Variants in PCSK2 observed in about 807,000 individuals in gnomAD.
PCSK2 encodes neuroendocrine convertase 2.
Under a neutral mutation model 69.7 loss-of-function variants are expected in PCSK2, and 14 were observed. The observed-to-expected ratio is 0.20, with a 90% confidence interval of 0.13 to 0.31. The LOEUF (loss-of-function observed/expected upper bound fraction) is 0.31. Among genes scored for constraint, PCSK2 ranks in the 10% least tolerant of loss-of-function variants. The probability of loss-of-function intolerance (pLI) is 1.00; values close to 1 mark genes in which losing one functional copy is unlikely to be tolerated. For missense variants in PCSK2, 544 were observed against 842.5 expected (o/e 0.65, Z 4.39); for synonymous variants, 307 against 320.7 (o/e 0.96, Z 0.46).
chr20:17,446,162 G>A (rs2032696168), intron 8 of PCSK2, among the ~76,000 whole-genome samples: 1 of 152,160 alleles, frequency 6.6e-6, no homozygotes, highest in Non-Finnish European at 1.5e-5. Context: ...TACAATGGCT[G>A]GATCCTTTGA....
intron 6 of PCSK2, among the ~76,000 whole-genome samples, chr20:17,426,702 C>T (rs549501755): frequency 2.2e-4 from 33 of 152,342 alleles, no homozygotes; most frequent in African/African-American, 6.7e-4. Context: ...GAAGATCCAA[C>T]GTTACAGGTG....
At chr20:17,290,074 A>T (rs1988647212) in intron 2 of PCSK2, among the ~76,000 whole-genome samples, 1 of 152,238 alleles carries the variant, frequency 6.6e-6, no homozygotes, top group Non-Finnish European at 1.5e-5. Flanking sequence ...GGCAGGTCAG[A>T]GATGGCATCT....
intron 2 of PCSK2, among the ~76,000 whole-genome samples, chr20:17,323,778 G>A (rs1311448899): frequency 6.6e-6 from 1 of 152,180 alleles, no homozygotes; most frequent in African/African-American, 2.4e-5. Context: ...TTGTTTATAA[G>A]ATATAAAAGC....
At chr20:17,250,055 C>CCCTT (rs1309490313) in intron 1 of PCSK2, among the ~76,000 whole-genome samples, 5 of 152,070 alleles carry the variant, frequency 3.3e-5, no homozygotes, top group Non-Finnish European at 5.9e-5. Context: ...TTTCCATATA[C>CCCTT]CCTTCTTTAT....
intron 1 of PCSK2, among the ~76,000 whole-genome samples, chr20:17,229,645 T>C (rs1311723202): frequency 6.6e-6 from 1 of 151,986 alleles, no homozygotes; most frequent in Non-Finnish European, 1.5e-5. Context: ...CCTCTCTCCT[T>C]ACTTCTCCAT....
chr20:17,235,948 A>G (rs1986322192), intron 1 of PCSK2, among the ~76,000 whole-genome samples: 1 of 152,138 alleles, frequency 6.6e-6, no homozygotes, highest in Non-Finnish European at 1.5e-5. Flanking sequence ...ATAATATGAA[A>G]AATGTAATAA....
rs1418757332 is a variant in PCSK2 at position 17,444,174 on chromosome 20, C to T, written c.885+7291C>T. On this transcript the variant is annotated intron_variant, in intron 8 of 11. Transcript: ENST00000262545. ...ACAAACAAAGGAGTCAGAGAATTAC[C>T]TGTTACACAAGGCACTTCTTACGTT... Among the ~76,000 whole-genome samples the T allele has an allele frequency of 2.6e-5, 4 of 152,162 alleles. No individual in the cohort carries two copies. The South Asian group carries it at 6.2e-4, about 24-fold the overall frequency.
chr20:17,335,425 CTT>C (rs3220184), intron 2 of PCSK2, among the ~76,000 whole-genome samples: 84 of 30,420 alleles, frequency 2.8e-3, no homozygotes, highest in African/African-American at 7.0e-3. Flanking sequence ...CACAGCATCA[CTT>C]TGTGTGTGTG....
At chr20:17,477,442 C>T (rs1327073098) in intron 11 of PCSK2, among the ~76,000 whole-genome samples, 2 of 151,670 alleles carry the variant, frequency 1.3e-5, no homozygotes, top group Non-Finnish European at 2.9e-5. Context: ...TTTCTTAAAT[C>T]AGGCTTAAAC....
chr20:17,427,203 T>C (rs889018704), intron 6 of PCSK2, among the ~76,000 whole-genome samples: 1 of 152,116 alleles, frequency 6.6e-6, no homozygotes, highest in Non-Finnish European at 1.5e-5. Context: ...CATCTCATAG[T>C]AGGTGCTGGT....
chr20:17,347,042 C>T (rs184541813), intron 2 of PCSK2, among the ~76,000 whole-genome samples: 40 of 152,310 alleles, frequency 2.6e-4, no homozygotes, highest in Admixed American at 5.9e-4. Flanking sequence ...ATGACTGGAA[C>T]TGTGGTCAGA....
At chr20:17,315,814 C>T (rs1480140571) in intron 2 of PCSK2, among the ~76,000 whole-genome samples, 2 of 152,324 alleles carry the variant, frequency 1.3e-5, no homozygotes, top group East Asian at 3.9e-4. Context: ...CCGTGGCTGT[C>T]ATTCTGTCCC....
At chr20:17,440,919 A>G (rs1230308193) in intron 8 of PCSK2, among the ~76,000 whole-genome samples, 1 of 151,928 alleles carries the variant, frequency 6.6e-6, no homozygotes, top group African/African-American at 2.4e-5. Flanking sequence ...AGATTCAGGC[A>G]AGACCTCATA....
Position 17,432,913 on chromosome 20 carries a change from T to TA in PCSK2, c.709+3399dup, listed in dbSNP as rs575015095. 4.2e-4 allele frequency among the ~76,000 whole-genome samples: 64 copies of TA among 150,978 alleles called. 1 individual carries two copies. The highest frequency in any genetic ancestry group is 3.4e-3 in the Middle Eastern group (1 of 294). ...GGAGGAGAAAAAGACAGGGAGCAAA[T>TA]AAAAAAAAATCAGATAACAACTCAT... On this transcript the variant is annotated intron_variant, in intron 7 of 11. Transcript: ENST00000262545.
intron 8 of PCSK2, among the ~76,000 whole-genome samples, chr20:17,448,887 A>T: frequency 7.4e-6 from 1 of 134,520 alleles, no homozygotes; most frequent in Non-Finnish European, 1.6e-5. Context: ...ACCTAAATGC[A>T]CTTGCCTTTT....
At chr20:17,311,806 G>A (rs935475593) in intron 2 of PCSK2, among the ~76,000 whole-genome samples, 1 of 152,054 alleles carries the variant, frequency 6.6e-6, no homozygotes, top group African/African-American at 2.4e-5. Flanking sequence ...CTGCAAACTT[G>A]ATTTTATAGG....
At chr20:17,449,722 T>C (rs1263420141) in intron 8 of PCSK2, among the ~76,000 whole-genome samples, 3 of 151,708 alleles carry the variant, frequency 2.0e-5, no homozygotes. Context: ...AGACGAGGTT[T>C]CTCCATGTTG....
At chr20:17,356,244 T>C (rs2030192976) in intron 2 of PCSK2, among the ~76,000 whole-genome samples, 1 of 152,178 alleles carries the variant, frequency 6.6e-6, no homozygotes, top group South Asian at 2.1e-4. Context: ...AAAATACCCA[T>C]CTATCCCATT....
intron 10 of PCSK2, among the ~76,000 whole-genome samples, chr20:17,459,986 C>G (rs2032986401): frequency 6.6e-6 from 1 of 152,154 alleles, no homozygotes; most frequent in South Asian, 2.1e-4. Context: ...CAAATAATAA[C>G]AGAGACAAGG....
Sources: gnomAD v4.1 joint callset for allele counts (sites outside exome capture counted in the v4.1 genomes callset) on GRCh38, gnomAD v4.1.1 for gene constraint, MANE v1.5 for transcripts, NCBI Gene and HGNC (gene_info 2026-07-23, HGNC 2026-07-21) for gene names.